BMP6: variants seen among roughly 807,000 people sequenced by gnomAD.
The protein encoded by BMP6 is bone morphogenetic protein 6.
Under a neutral mutation model 54.1 loss-of-function variants are expected in BMP6, and 17 were observed. The ratio of observed to expected loss-of-function variants is 0.31; its 90% CI spans 0.22 to 0.47. BMP6 has a LOEUF of 0.47. Among genes scored for constraint, BMP6 ranks in the 20% least tolerant of loss-of-function variants. BMP6 has a pLI of 1.00. For missense variants in BMP6, 720 were observed against 690.4 expected (o/e 1.04, Z -0.48); for synonymous variants, 328 against 291.2 (o/e 1.13, Z -1.28).
rs893190626 is a variant in BMP6, at chr6:7,830,501, G to A, written c.665-14639G>A. ...TTGGGGTGGGCCGTAAATGAGCTCT[G>A]ATGGACCATCCTCAGCCCCTCCAGA... On this transcript the variant is annotated intron_variant, in intron 1 of 6. Coordinates refer to ENST00000283147, the MANE Select transcript of BMP6 (RefSeq NM_001718.6). Among the ~76,000 whole-genome samples the A allele has an allele frequency of 2.0e-4, 31 of 152,180 alleles. 1 individual carries two copies. The highest frequency in any genetic ancestry group is 1.7e-3 in the Admixed American group (26 of 15,272).
intron 1 of BMP6, among the ~76,000 whole-genome samples, chr6:7,780,243 A>C (rs1467406804): frequency 6.6e-6 from 1 of 152,098 alleles, no homozygotes; most frequent in East Asian, 1.9e-4. Context: ...TGGCACCTCT[A>C]ATTCTTTTTA....
chr6:7,878,540 G>A lies in BMP6; in HGVS notation c.1205-534G>A, dbSNP rs544940657. ...TGGGAGTACAGCCAGAGAGAGCATT[G>A]CCCCTGCGTGGTGTCTCCCTCTCCC... is the stretch of plus-strand genomic sequence containing the variant. On this transcript the variant is annotated intron_variant, in intron 4 of 6. Transcript: ENST00000283147. Among the ~76,000 whole-genome samples the A allele has an allele frequency of 1.1e-3, 160 of 152,324 alleles. 2 individuals carry two copies. In the South Asian group the frequency reaches 0.031, roughly 29 times the overall value.
At chr6:7,804,444 A>C (rs1056212175) in intron 1 of BMP6, among the ~76,000 whole-genome samples, 2 of 152,000 alleles carry the variant, frequency 1.3e-5, no homozygotes, top group African/African-American at 4.8e-5. Context: ...TGGTTTATAC[A>C]TAGTGATTGT....
intron 2 of BMP6, among the ~76,000 whole-genome samples, chr6:7,854,514 G>T (rs933259638): frequency 6.6e-6 from 1 of 152,332 alleles, no homozygotes; most frequent in African/African-American, 2.4e-5. Flanking sequence ...AAGGTAGCGG[G>T]GGCTGGGTGC....
intron 1 of BMP6, among the ~76,000 whole-genome samples, chr6:7,790,707 T>C (rs1247018743): frequency 1.3e-5 from 2 of 152,134 alleles, no homozygotes; most frequent in African/African-American, 4.8e-5. Context: ...CGTAGCATCA[T>C]GGTCCTTGAG....
intron 1 of BMP6, among the ~76,000 whole-genome samples, chr6:7,786,779 G>A (rs1031731067): frequency 1.3e-5 from 2 of 152,264 alleles, no homozygotes; most frequent in South Asian, 2.1e-4. Flanking sequence ...CGGAACATCA[G>A]GTAGAAAAGC....
chr6:7,807,470 G>T (rs549084336), intron 1 of BMP6, among the ~76,000 whole-genome samples: 1 of 152,010 alleles, frequency 6.6e-6, no homozygotes, highest in Non-Finnish European at 1.5e-5. Flanking sequence ...TAGTAGAGAC[G>T]GGGTTTCACC....
chr6:7,732,681 TGTAGTATATCAAAC>T (rs1399638190), intron 1 of BMP6, among the ~76,000 whole-genome samples: 5 of 151,962 alleles, frequency 3.3e-5, no homozygotes, highest in Admixed American at 2.6e-4. Flanking sequence ...GGCTATCAAA[TGTAGTATATCAAAC>T]GTAGTATATC....
intron 1 of BMP6, among the ~76,000 whole-genome samples, chr6:7,741,373 G>A (rs1016280254): frequency 2.0e-5 from 3 of 152,190 alleles, no homozygotes; most frequent in African/African-American, 7.2e-5. Context: ...ATAGGTCACT[G>A]CAACCTTGAA....
chr6:7,807,860 C>T (rs1758369928), intron 1 of BMP6, among the ~76,000 whole-genome samples: 1 of 151,770 alleles, frequency 6.6e-6, no homozygotes, highest in Admixed American at 6.6e-5. Flanking sequence ...CTGCAAATGC[C>T]TGTGCCTGCA....
intron 1 of BMP6, among the ~76,000 whole-genome samples, chr6:7,836,209 T>TA (rs1561787103): frequency 4.7e-5 from 7 of 149,734 alleles, no homozygotes; most frequent in African/African-American, 1.8e-4. Flanking sequence ...GATTTTTTTT[T>TA]TAAAAAAAAA....
Position 7,793,804 on chromosome 6 carries a change from C to G in BMP6, c.665-51336C>G, listed in dbSNP as rs536025936. On this transcript the variant is annotated intron_variant, in intron 1 of 6. Transcript: ENST00000283147. ...GAAGTGAGAGGCGTGTGACCATCCT[C>G]AGTCGCCATGATTCCAGATATCCAC... Among the ~76,000 whole-genome samples the G allele has an allele frequency of 9.2e-5, 14 of 152,348 alleles. No homozygotes were observed. The South Asian group carries it at 2.9e-3, about 32-fold the overall frequency.
intron 1 of BMP6, among the ~76,000 whole-genome samples, chr6:7,828,393 A>G (rs764942820): frequency 4.6e-5 from 7 of 152,142 alleles, no homozygotes; most frequent in Non-Finnish European, 8.8e-5. Flanking sequence ...GTGCTCAGAG[A>G]TGTTCGTGCA....
intron 1 of BMP6, among the ~76,000 whole-genome samples, chr6:7,728,688 T>C (rs1181170500): frequency 6.6e-6 from 1 of 152,182 alleles, no homozygotes; most frequent in African/African-American, 2.4e-5. Flanking sequence ...GTGCACTGGC[T>C]ACGCCCGGGA....
At chr6:7,823,193 G>T (rs1758642525) in intron 1 of BMP6, among the ~76,000 whole-genome samples, 1 of 152,074 alleles carries the variant, frequency 6.6e-6, no homozygotes, top group Admixed American at 6.5e-5. Flanking sequence ...ATGATGATGA[G>T]GCTGACCGAA....
intron 2 of BMP6, among the ~76,000 whole-genome samples, chr6:7,857,696 A>T (rs946224701): frequency 1.3e-5 from 2 of 152,218 alleles, no homozygotes; most frequent in South Asian, 4.1e-4. Flanking sequence ...TCGAGGCTAC[A>T]CTTTTACAGT....
At chr6:7,755,948 A>C (rs1757508655) in intron 1 of BMP6, among the ~76,000 whole-genome samples, 1 of 152,014 alleles carries the variant, frequency 6.6e-6, no homozygotes, top group Non-Finnish European at 1.5e-5. Flanking sequence ...GCTGATTTTT[A>C]AGATTTTCTC....
chr6:7,808,012 G>A (rs1013703152), intron 1 of BMP6, among the ~76,000 whole-genome samples: 22 of 142,488 alleles, frequency 1.5e-4, no homozygotes, highest in South Asian at 6.7e-4. Context: ...TCTCCACTTC[G>A]CGGGTTCACG....
At chr6:7,879,026 T>C in intron 4 of BMP6, 48 bp from the exon 5 acceptor site, 2 of 1,555,462 alleles carry the variant, frequency 1.3e-6, no homozygotes, top group South Asian at 2.2e-5. Flanking sequence ...ATTAATGAGT[T>C]GATGGGTGCA....
Sources: allele counts gnomAD v4.1 joint callset (sites outside exome capture counted in the v4.1 genomes callset), GRCh38; gene constraint gnomAD v4.1.1; transcripts MANE v1.5; gene names NCBI Gene and HGNC (gene_info 2026-07-23, HGNC 2026-07-21).